The following NAALADL2 variants were observed in gnomAD, a reference collection of about 807,000 sequenced individuals.
NAALADL2 encodes N-acetylated alpha-linked acidic dipeptidase like 2.
NAALADL2 carries 76 observed loss-of-function variants against 87.2 expected under a neutral mutation model. The ratio of observed to expected loss-of-function variants is 0.87; its 90% confidence interval spans 0.72 to 1.05. NAALADL2 has a LOEUF of 1.05. NAALADL2 is among the 50% of genes least tolerant of loss of function. The pLI, the probability that NAALADL2 is intolerant of heterozygous loss-of-function variation, is 0.00. For synonymous variants in NAALADL2, 354 were observed against 331.0 expected (o/e 1.07, Z -0.75); for missense variants, 1,089 against 945.8 (o/e 1.15, Z -1.99).
chr3:175,427,185 T>C (rs1716950262), intron 5 of NAALADL2, among the ~76,000 whole-genome samples: 1 of 152,184 alleles, frequency 6.6e-6, no homozygotes, highest in Non-Finnish European at 1.5e-5. Flanking sequence ...AGAATCAAAC[T>C]ACTGAATCAA....
intron 11 of NAALADL2, among the ~76,000 whole-genome samples, chr3:175,650,820 T>C (rs1318339868): frequency 2.6e-5 from 4 of 152,188 alleles, no homozygotes; most frequent in African/African-American, 9.6e-5. Context: ...CTGTCAAATA[T>C]ACTAGGAAAG....
chr3:175,281,462 C>G (rs577412844), intron 4 of NAALADL2, among the ~76,000 whole-genome samples: 188 of 151,980 alleles, frequency 1.2e-3, no homozygotes, highest in Non-Finnish European at 2.4e-3. Flanking sequence ...ATGTTTATCA[C>G]TTTATCCAAA....
chr3:174,880,705 T>G (rs566223941), intron 1 of NAALADL2, among the ~76,000 whole-genome samples: 5 of 152,282 alleles, frequency 3.3e-5, no homozygotes, highest in South Asian at 4.1e-4. Context: ...CTTTAAGTCT[T>G]TTCTCAAATA....
chr3:175,629,078 C>G lies in NAALADL2; in HGVS notation c.1896+1692C>G, dbSNP rs116258623. Among the ~76,000 whole-genome samples the G allele has an allele frequency of 2.7e-3, 401 of 149,732 alleles. 2 individuals carry two copies. Among genetic ancestry groups the G allele is most frequent in the African/African-American group, 9.4e-3 (386 of 41,050 alleles). On this transcript the variant is annotated intron_variant, in intron 11 of 13. Coordinates refer to ENST00000454872, the MANE Select transcript of NAALADL2 (RefSeq NM_207015.3). ...GGATAGAAGTGCACACAAAACACCT[C>G]CTTAGTATTCAAAATCTTAGCTGTA...
chr3:175,090,843 G>A (rs1037418279), intron 1 of NAALADL2, among the ~76,000 whole-genome samples: 3 of 123,206 alleles, frequency 2.4e-5, no homozygotes, highest in Admixed American at 8.2e-5. Context: ...ATCTATTAGT[G>A]AAGCATGAGC....
intron 9 of NAALADL2, among the ~76,000 whole-genome samples, chr3:175,551,315 GT>G (rs1279940225): frequency 1.3e-5 from 2 of 152,080 alleles, no homozygotes; most frequent in Non-Finnish European, 2.9e-5. Flanking sequence ...GAGTGTCGGT[GT>G]TGTAGGGAGG....
chr3:175,224,734 C>A (rs978368798), intron 2 of NAALADL2, among the ~76,000 whole-genome samples: 4 of 152,138 alleles, frequency 2.6e-5, no homozygotes, highest in Admixed American at 1.3e-4. Context: ...CAAGAAACCT[C>A]TTTTTTCTTT....
At chr3:175,501,443 A>ACACACACACACACACACACACACACAC (rs1560661514) in intron 9 of NAALADL2, among the ~76,000 whole-genome samples, 1 of 151,798 alleles carries the variant, frequency 6.6e-6, no homozygotes, top group Non-Finnish European at 1.5e-5. Context: ...ACACACACAC[A>ACACACACACACACACACACACACACAC]AAGGCAGCAT....
intron 2 of NAALADL2, among the ~76,000 whole-genome samples, chr3:174,692,442 T>C (rs1043580444): frequency 1.1e-4 from 17 of 152,208 alleles, no homozygotes; most frequent in African/African-American, 4.1e-4. Flanking sequence ...AATAAATATT[T>C]CCATTTTATT....
intron 2 of NAALADL2, among the ~76,000 whole-genome samples, chr3:174,584,237 A>G (rs766129978): frequency 6.6e-6 from 1 of 152,092 alleles, no homozygotes. Context: ...AATCAGAGAA[A>G]TTTTACTTTA....
At chr3:175,601,539 A>G (rs1004646485) in intron 10 of NAALADL2, among the ~76,000 whole-genome samples, 3 of 152,208 alleles carry the variant, frequency 2.0e-5, no homozygotes, top group African/African-American at 7.2e-5. Flanking sequence ...ATATTGACAT[A>G]AAGAGTGTCA....
At chr3:175,778,135 T>G (rs1750516818) in intron 13 of NAALADL2, among the ~76,000 whole-genome samples, 1 of 152,160 alleles carries the variant, frequency 6.6e-6, no homozygotes, top group African/African-American at 2.4e-5. Flanking sequence ...TAAAGCAATA[T>G]AAAATCTAAA....
At chr3:175,308,356 A>G (rs1340518442) in intron 4 of NAALADL2, among the ~76,000 whole-genome samples, 1 of 152,152 alleles carries the variant, frequency 6.6e-6, no homozygotes, top group African/African-American at 2.4e-5. Context: ...CTTTGCACTC[A>G]GACGTTAAAC....
chr3:175,620,633 GGT>G (rs1027676981), intron 10 of NAALADL2, among the ~76,000 whole-genome samples: 8 of 152,152 alleles, frequency 5.3e-5, no homozygotes, highest in Non-Finnish European at 1.2e-4. Flanking sequence ...AGCAGGAGGG[GGT>G]GTGTTACAGC....
intron 5 of NAALADL2, among the ~76,000 whole-genome samples, chr3:175,438,633 G>A (rs1294064346): frequency 6.6e-6 from 1 of 151,910 alleles, no homozygotes; most frequent in Non-Finnish European, 1.5e-5. Flanking sequence ...CTTTTAGTTT[G>A]TCAGTCTTTT....
At chr3:175,489,840 C>A (rs1727797475) in intron 9 of NAALADL2, among the ~76,000 whole-genome samples, 1 of 152,100 alleles carries the variant, frequency 6.6e-6, no homozygotes. Context: ...AAGCATTATT[C>A]CTTATGAAAC....
chr3:174,498,227 G>T (rs1313043876), intron 1 of NAALADL2, among the ~76,000 whole-genome samples: 1 of 151,840 alleles, frequency 6.6e-6, no homozygotes, highest in East Asian at 1.9e-4. Context: ...GGCAACCAGT[G>T]ATCTGCTTTC....
intron 12 of NAALADL2, among the ~76,000 whole-genome samples, chr3:175,741,836 A>T (rs1411398375): frequency 2.0e-5 from 3 of 152,188 alleles, no homozygotes; most frequent in Admixed American, 6.5e-5. Context: ...GATATCTAAG[A>T]TAGGTCTCAG....
At position 174,569,854 on chromosome 3, in the gene NAALADL2, C is replaced by T. The variant is rs534865760; in HGVS notation, c.-115+19217C>T. ...GCTTCCCTTGCTTGTTTTTGCTCAG[C>T]CTCATAGTTTCACCATATATATGAA... On this transcript the variant is annotated intron_variant, in intron 2 of 3. Transcript: ENST00000434257. Among the ~76,000 whole-genome samples the T allele has an allele frequency of 6.5e-4, 99 of 152,140 alleles. 1 individual carries two copies. Among genetic ancestry groups the T allele is most frequent in the Non-Finnish European group, 1.3e-3 (87 of 67,980 alleles).
Sources: gnomAD v4.1 joint callset for allele counts (sites outside exome capture counted in the v4.1 genomes callset) on GRCh38, gnomAD v4.1.1 for gene constraint, MANE v1.5 for transcripts, NCBI Gene and HGNC (gene_info 2026-07-23, HGNC 2026-07-21) for gene names.